The following NLGN4Y variants were observed in gnomAD, a reference collection of about 807,000 sequenced individuals.
NLGN4Y encodes the protein neuroligin-4, Y-linked.
A neutral mutation model predicts 8.4 loss-of-function variants in NLGN4Y; 4 were observed. That is an observed-to-expected ratio of 0.48 (90% CI 0.23 to 1.09). The LOEUF (loss-of-function observed/expected upper bound fraction) is 1.09. Among genes scored for constraint, NLGN4Y ranks in the 50% least tolerant of loss-of-function variants. The probability of loss-of-function intolerance (pLI) is 0.19; values close to 1 mark genes in which losing one functional copy is unlikely to be tolerated. For missense variants in NLGN4Y, 90 were observed against 192.3 expected (o/e 0.47, Z 3.15); for synonymous variants, 35 against 75.6 (o/e 0.46, Z 2.78).
intron 1 of NLGN4Y, among the ~76,000 whole-genome samples, chrY:14,576,030 G>C: frequency 3.0e-5 from 1 of 33,631 alleles, no homozygotes; most frequent in Non-Finnish European, 7.4e-5. Flanking sequence ...AGGCTACTCG[G>C]GGGTCAGGGA....
intron 4 of NLGN4Y, among the ~76,000 whole-genome samples, chrY:14,758,416 G>A (rs762361282): frequency 8.9e-5 from 3 of 33,578 alleles, no homozygotes; most frequent in South Asian, 1.4e-3. Flanking sequence ...GCCTTCAGGG[G>A]GAAACCTACA....
At chrY:14,784,221 T>C (rs2042952522) in intron 4 of NLGN4Y, among the ~76,000 whole-genome samples, 2 of 33,920 alleles carry the variant, frequency 5.9e-5, no homozygotes, top group East Asian at 1.5e-3. Context: ...TAGGAAATCC[T>C]TATACCATAT....
chrY:14,644,433 T>C (rs2080602406), intron 2 of NLGN4Y, among the ~76,000 whole-genome samples: 1 of 33,129 alleles, frequency 3.0e-5, no homozygotes, highest in Admixed American at 2.8e-4. Flanking sequence ...TGTTCAAAGC[T>C]GAAGTCTAGA....
At chrY:14,537,523 G>A in intron 1 of NLGN4Y, among the ~76,000 whole-genome samples, 1 of 33,735 alleles carries the variant, frequency 3.0e-5, no homozygotes, top group Admixed American at 2.7e-4. Flanking sequence ...ATCCATCCAG[G>A]ACATCCTTGC....
chrY:14,637,416 T>C (rs2080568217), intron 2 of NLGN4Y, among the ~76,000 whole-genome samples: 1 of 33,576 alleles, frequency 3.0e-5, no homozygotes, highest in Non-Finnish European at 7.3e-5. Flanking sequence ...TTTATTCTCA[T>C]GCATCCCATT....
rs571110185 is a variant in NLGN4Y at position 14,575,659 on chromosome Y, G to T, written c.-111-46350G>T. 7.1e-4 allele frequency among the ~76,000 whole-genome samples: 24 copies of T among 33,635 alleles called. No homozygotes were observed. In the East Asian group the frequency reaches 0.018, roughly 25 times the overall value. 90.2% of individuals were successfully genotyped at this position (33,635 alleles called of 37,273 possible). A position where few individuals can be genotyped will look rare whatever the true frequency, so the allele number is the denominator to read the frequency against. The stretch of plus-strand genomic sequence containing the variant: ...GCTGCATTCCTTCAGAGGAGGAGAG[G>T]CACTCTGATTTTTAGAGTTTCCTGT... On this transcript the variant is annotated intron_variant, in intron 1 of 6. Coordinates refer to ENST00000684976, the MANE Select transcript of NLGN4Y (RefSeq NM_001365588.1).
chrY:14,778,795 C>T (rs750321514), intron 4 of NLGN4Y, among the ~76,000 whole-genome samples: 64 of 33,841 alleles, frequency 1.9e-3, no homozygotes, highest in Admixed American at 0.014. Context: ...GCATTTATTA[C>T]GGCAGGTATT....
intron 4 of NLGN4Y, among the ~76,000 whole-genome samples, chrY:14,802,850 T>C: frequency 1.8e-4 from 4 of 22,728 alleles, no homozygotes; most frequent in Non-Finnish European, 3.6e-4. Flanking sequence ...TATAAAAATA[T>C]ATATCATATA....
At chrY:14,758,201 T>C (rs749297971) in intron 4 of NLGN4Y, among the ~76,000 whole-genome samples, 93 of 33,417 alleles carry the variant, frequency 2.8e-3, no homozygotes, top group Non-Finnish European at 4.0e-3. Flanking sequence ...GCTGGTGACT[T>C]TTTGTTTCTT....
chrY:14,706,262 G>A (rs2150547507), intron 2 of NLGN4Y, among the ~76,000 whole-genome samples: 1 of 33,100 alleles, frequency 3.0e-5, no homozygotes, highest in Non-Finnish European at 7.5e-5. Flanking sequence ...AAAAATGTTT[G>A]AGAAATCATG....
chrY:14,697,594 G>T (rs201851921), intron 2 of NLGN4Y, among the ~76,000 whole-genome samples: 18 of 21,153 alleles, frequency 8.5e-4, no homozygotes, highest in East Asian at 5.3e-3. Context: ...ATAGATGAGA[G>T]AGATAGATAG....
intron 1 of NLGN4Y, among the ~76,000 whole-genome samples, chrY:14,557,118 G>T (rs2080212712): frequency 1.2e-4 from 4 of 33,313 alleles, no homozygotes; most frequent in South Asian, 6.8e-4. Flanking sequence ...CAGAGGGAGA[G>T]AGAGACCAGG....
At chrY:14,605,476 C>T (rs2080444249) in intron 1 of NLGN4Y, among the ~76,000 whole-genome samples, 1 of 32,420 alleles carries the variant, frequency 3.1e-5, no homozygotes, top group Non-Finnish European at 7.5e-5. Flanking sequence ...GTGCATTTGT[C>T]TTTTTTGTTA....
At chrY:14,634,570 C>G (rs768974542) in intron 2 of NLGN4Y, among the ~76,000 whole-genome samples, 1 of 33,229 alleles carries the variant, frequency 3.0e-5, no homozygotes, top group Non-Finnish European at 7.4e-5. Flanking sequence ...CTGGGTGACA[C>G]AGTAAGACCC....
At chrY:14,807,515 A>G (rs2043062100) in intron 4 of NLGN4Y, among the ~76,000 whole-genome samples, 1 of 33,012 alleles carries the variant, frequency 3.0e-5, no homozygotes, top group Non-Finnish European at 7.5e-5. Context: ...ATTAAAAACA[A>G]ATGGAAATAT....
intron 2 of NLGN4Y, among the ~76,000 whole-genome samples, chrY:14,677,659 C>T (rs562239055): frequency 2.6e-3 from 88 of 33,378 alleles, no homozygotes; most frequent in Middle Eastern, 0.013. Flanking sequence ...TTTAGGTATA[C>T]ATATATATGC....
intron 4 of NLGN4Y, among the ~76,000 whole-genome samples, chrY:14,812,580 G>A: frequency 6.1e-5 from 2 of 32,548 alleles, no homozygotes; most frequent in African/African-American, 2.4e-4. Flanking sequence ...TGTGGTTTTA[G>A]ACAATCAAGG....
intron 2 of NLGN4Y, among the ~76,000 whole-genome samples, chrY:14,645,576 A>G (rs907738514): frequency 6.0e-5 from 2 of 33,165 alleles, no homozygotes; most frequent in African/African-American, 2.4e-4. Context: ...CATTGTCCAT[A>G]TGGCTTACAC....
intron 4 of NLGN4Y, chrY:14,733,451 G>A (rs775834801): frequency 2.2e-5 from 7 of 320,760 alleles, no homozygotes; most frequent in African/African-American, 1.4e-4. Flanking sequence ...ATTTGTTTTA[G>A]GTATGCAAGA....
Sources: allele counts gnomAD v4.1 joint callset (sites outside exome capture counted in the v4.1 genomes callset), GRCh38; gene constraint gnomAD v4.1.1; transcripts MANE v1.5; gene names NCBI Gene and HGNC (gene_info 2026-07-23, HGNC 2026-07-21).